Variants in ADARB2 observed in about 807,000 individuals in gnomAD.
ADARB2 encodes the protein inactive double-stranded RNA-specific editase B2.
Under a neutral mutation model 62.2 loss-of-function variants are expected in ADARB2, and 25 were observed. The ratio of observed to expected loss-of-function variants is 0.40; its 90% confidence interval spans 0.29 to 0.56. ADARB2 has a LOEUF of 0.56. ADARB2 is among the 20% of genes least tolerant of loss of function. The pLI, the probability that ADARB2 is intolerant of heterozygous loss-of-function variation, is 0.43. For missense variants in ADARB2, 1,071 were observed against 1,077.4 expected, an observed-to-expected ratio of 0.99 and a Z score of 0.08; for synonymous variants, 572 against 500.8, an observed-to-expected ratio of 1.14 and a Z score of -1.90.
At chr10:1,284,138 G>A (rs892202596) in intron 3 of ADARB2, among the ~76,000 whole-genome samples, 6 of 152,144 alleles carry the variant, frequency 3.9e-5, no homozygotes, top group African/African-American at 1.2e-4. Flanking sequence ...GGTCAGACAC[G>A]ATTATACCTG....
At chr10:1,463,666 G>A (rs949429562) in intron 1 of ADARB2, among the ~76,000 whole-genome samples, 8 of 152,198 alleles carry the variant, frequency 5.3e-5, no homozygotes, top group Non-Finnish European at 8.8e-5. Flanking sequence ...TGGCACAAGC[G>A]TAGCTTAAGA....
At chr10:1,425,034 C>T (rs1325283368) in intron 1 of ADARB2, among the ~76,000 whole-genome samples, 3 of 152,158 alleles carry the variant, frequency 2.0e-5, no homozygotes, top group Non-Finnish European at 2.9e-5. Context: ...TCTCTTCTAA[C>T]GCACGTCCTG....
intron 3 of ADARB2, among the ~76,000 whole-genome samples, chr10:1,271,930 A>C (rs2131799464): frequency 1.3e-5 from 2 of 152,302 alleles, no homozygotes; most frequent in Middle Eastern, 6.8e-3. Context: ...GTGAGTCGTT[A>C]ACTCCTCGGA....
At chr10:1,568,387 G>A (rs920917482) in intron 1 of ADARB2, among the ~76,000 whole-genome samples, 1 of 152,184 alleles carries the variant, frequency 6.6e-6, no homozygotes, top group Non-Finnish European at 1.5e-5. Flanking sequence ...CGAACACACG[G>A]TCCAGCTGCG....
chr10:1,666,792 T>C (rs1834322560), intron 1 of ADARB2, among the ~76,000 whole-genome samples: 1 of 152,174 alleles, frequency 6.6e-6, no homozygotes, highest in Admixed American at 6.5e-5. Flanking sequence ...ACTCTGAGAC[T>C]CGAGATGGCC....
chr10:1,228,079 C>T (rs1830764340), intron 6 of ADARB2, among the ~76,000 whole-genome samples: 1 of 152,172 alleles, frequency 6.6e-6, no homozygotes, highest in African/African-American at 2.4e-5. Context: ...ATTTTATATT[C>T]CCTGACTTCC....
intron 8 of ADARB2, among the ~76,000 whole-genome samples, chr10:1,192,491 A>G (rs1836856549): frequency 6.6e-6 from 1 of 152,228 alleles, no homozygotes; most frequent in South Asian, 2.1e-4. Context: ...TTTATTCATT[A>G]TCATTGATAT....
At chr10:1,566,348 CAT>C (rs1421266837) in intron 1 of ADARB2, among the ~76,000 whole-genome samples, 4 of 152,234 alleles carry the variant, frequency 2.6e-5, no homozygotes, top group African/African-American at 7.2e-5. Flanking sequence ...TCAGTCTACA[CAT>C]GTGTCTCCTT....
intron 1 of ADARB2, among the ~76,000 whole-genome samples, chr10:1,557,493 A>T (rs921383334): frequency 6.6e-6 from 1 of 152,138 alleles, no homozygotes; most frequent in Non-Finnish European, 1.5e-5. Context: ...TTTCCTGGTT[A>T]ATTTATAATT....
At chr10:1,375,533 C>A (rs1351031078) in intron 2 of ADARB2, among the ~76,000 whole-genome samples, 1 of 152,232 alleles carries the variant, frequency 6.6e-6, no homozygotes, top group Non-Finnish European at 1.5e-5. Context: ...AGGTTGTGGG[C>A]ATCCAGCATC....
intron 9 of ADARB2, among the ~76,000 whole-genome samples, chr10:1,184,584 G>A (rs908671753): frequency 6.6e-6 from 1 of 152,222 alleles, no homozygotes; most frequent in South Asian, 2.1e-4. Context: ...CAAAGCAGGT[G>A]GTGCCGTGCC....
At chr10:1,385,652 T>C (rs1421250646) in intron 1 of ADARB2, among the ~76,000 whole-genome samples, 2 of 151,980 alleles carry the variant, frequency 1.3e-5, no homozygotes, top group Admixed American at 1.3e-4. Flanking sequence ...TTGGACAATA[T>C]AAAGCAGTCT....
intron 1 of ADARB2, among the ~76,000 whole-genome samples, chr10:1,680,782 C>T (rs773310047): frequency 2.4e-4 from 36 of 152,212 alleles, no homozygotes; most frequent in Middle Eastern, 6.3e-3. Flanking sequence ...GGTAACTCAA[C>T]GTAACAGGCA....
intron 1 of ADARB2, among the ~76,000 whole-genome samples, chr10:1,524,693 C>T (rs1208523844): frequency 6.6e-5 from 10 of 152,238 alleles, no homozygotes; most frequent in East Asian, 3.9e-4. Flanking sequence ...CAGCACAGCC[C>T]GGTGGCTGCC....
chr10:1,497,473 C>A (rs1457382381), intron 1 of ADARB2, among the ~76,000 whole-genome samples: 1 of 152,114 alleles, frequency 6.6e-6, no homozygotes, highest in Non-Finnish European at 1.5e-5. Flanking sequence ...AGAGAAAGAG[C>A]TTTTTGAAAT....
chr10:1,667,929 C>T (rs1048887108), intron 1 of ADARB2, among the ~76,000 whole-genome samples: 4 of 152,192 alleles, frequency 2.6e-5, no homozygotes, highest in African/African-American at 9.7e-5. Context: ...TGGGGCATCA[C>T]CTGTGAAGCC....
At chr10:1,370,114 G>A (rs1000249977) in intron 2 of ADARB2, among the ~76,000 whole-genome samples, 3 of 152,080 alleles carry the variant, frequency 2.0e-5, no homozygotes, top group Non-Finnish European at 4.4e-5. Context: ...ATGATCAAGG[G>A]GGTTTTATTC....
At chr10:1,659,436 A>G (rs1834214971) in intron 1 of ADARB2, among the ~76,000 whole-genome samples, 4 of 152,224 alleles carry the variant, frequency 2.6e-5, no homozygotes, top group African/African-American at 9.6e-5. Context: ...CGAAAAAACC[A>G]AACTGACTAA....
rs71376899 is a variant in ADARB2 at position 1,234,737 on chromosome 10, CTTTTTTTTTTTTTTTT to C, written c.1362-908_1362-893del. Among the ~76,000 whole-genome samples, 32 of 53,640 alleles carry C rather than the reference CTTTTTTTTTTTTTTTT, an allele frequency of 6.0e-4. 1 individual carries two copies. The highest frequency in any genetic ancestry group is 1.0e-3 in the South Asian group (1 of 1,002). The allele number at this position is 53,640 out of a possible 152,430, so 35.2% of individuals were successfully genotyped here. On this transcript the variant is annotated intron_variant, in intron 5 of 9. Coordinates refer to ENST00000381312, the MANE Select transcript of ADARB2 (RefSeq NM_018702.4). ...GATTACAGGTGCGAGCGACCATGAT[CTTTTTTTTTTTTTTTT>C]TTTTTTTTTTTTTTTGTGACGGAGT...
Sources: allele counts gnomAD v4.1 joint callset (sites outside exome capture counted in the v4.1 genomes callset), GRCh38; gene constraint gnomAD v4.1.1; transcripts MANE v1.5; gene names NCBI Gene and HGNC (gene_info 2026-07-23, HGNC 2026-07-21).